PRDM11: variants seen among roughly 807,000 people sequenced by gnomAD.
PRDM11 encodes the protein PR domain-containing protein 11.
Under a neutral mutation model 97.8 loss-of-function variants are expected in PRDM11, and 20 were observed. The observed-to-expected ratio is 0.20, with a 90% CI of 0.14 to 0.30. The LOEUF (loss-of-function observed/expected upper bound fraction) is 0.30, where lower values mean the gene tolerates loss of function less well. PRDM11 is among the 10% of genes least tolerant of loss of function. The pLI, the probability that PRDM11 is intolerant of heterozygous loss-of-function variation, is 1.00. For synonymous variants in PRDM11, 599 were observed against 637.7 expected, an observed-to-expected ratio of 0.94 and a Z score of 0.91; for missense variants, 1,139 against 1,555.2, an observed-to-expected ratio of 0.73 and a Z score of 4.50.
chr11:45,201,823 A>T (rs1729349579), intron 4 of PRDM11, among the ~76,000 whole-genome samples: 1 of 152,132 alleles, frequency 6.6e-6, no homozygotes, highest in Non-Finnish European at 1.5e-5. Flanking sequence ...CACAAAAAAA[A>T]TTAGTCAGGC....
intron 4 of PRDM11, among the ~76,000 whole-genome samples, chr11:45,193,382 G>T (rs149636084): frequency 2.3e-4 from 35 of 152,266 alleles, no homozygotes; most frequent in African/African-American, 7.5e-4. Context: ...GTCAACTGTT[G>T]GGGTAAAACA....
chr11:45,224,792 C>T lies in PRDM11; in HGVS notation c.1318C>T (p.Pro440Ser). 6.2e-7 allele frequency: 1 copy of T among 1,614,200 alleles called. No individual in the cohort carries two copies. Among genetic ancestry groups the T allele is most frequent in the South Asian group, 1.1e-5 (1 of 91,088 alleles). ...MLKSGKLPEP[P>S]VLPPQVLELP... ...TAAGTCTGGGAAACTTCCTGAGCCCCCCGTATTGCCACCACAGGTACTGGA... is the reference window on the plus strand; with the variant it reads ...TAAGTCTGGGAAACTTCCTGAGCCCTCCGTATTGCCACCACAGGTACTGGA... Residue 440 changes from proline (P) to serine (S), a missense_variant, in exon 7 of 8, where the codon CCC (proline) becomes TCC (serine). Physicochemically the swap from Pro to Ser is moderately conservative, Grantham distance 74. Transcript: ENST00000683152.
At chr11:45,164,471 G>C (rs1206765410) in intron 1 of PRDM11, among the ~76,000 whole-genome samples, 2 of 152,230 alleles carry the variant, frequency 1.3e-5, no homozygotes, top group East Asian at 3.9e-4. Flanking sequence ...CCCATCTGGG[G>C]GCGTGCAAGA....
At chr11:45,108,554 G>T (rs974471292) in intron 1 of PRDM11, among the ~76,000 whole-genome samples, 1 of 152,226 alleles carries the variant, frequency 6.6e-6, no homozygotes, top group Non-Finnish European at 1.5e-5. Context: ...CCCTTGCTCA[G>T]CCTGGGCTCT....
chr11:45,114,803 T>C (rs1434482823), intron 1 of PRDM11, among the ~76,000 whole-genome samples: 1 of 151,892 alleles, frequency 6.6e-6, no homozygotes, highest in Non-Finnish European at 1.5e-5. Context: ...TGAAATACCA[T>C]CTTTAATGTG....
chr11:45,135,094 C>T (rs918577281), intron 1 of PRDM11, among the ~76,000 whole-genome samples: 1 of 151,848 alleles, frequency 6.6e-6, no homozygotes, highest in East Asian at 1.9e-4. Context: ...TAGTGAGACC[C>T]CATCTCTAAA....
At chr11:45,212,672 C>T (rs765228035) in intron 5 of PRDM11, 9 of 456,240 alleles carry the variant, frequency 2.0e-5, no homozygotes, top group South Asian at 4.6e-5. Flanking sequence ...CAGGACCCCT[C>T]GGCCGCACCC....
intron 1 of PRDM11, among the ~76,000 whole-genome samples, chr11:45,138,471 G>C (rs1428065025): frequency 6.6e-6 from 1 of 152,132 alleles, no homozygotes. Flanking sequence ...AGGAGACTGA[G>C]GTGGAAGGAT....
chr11:45,196,748 A>T (rs753483285), intron 4 of PRDM11, among the ~76,000 whole-genome samples: 2 of 152,194 alleles, frequency 1.3e-5, no homozygotes, highest in African/African-American at 2.4e-5. Context: ...GCTGGTCCAT[A>T]GTCCTGGCAC....
At chr11:45,212,846 G>A (rs1037592919) in intron 5 of PRDM11, 3 of 445,550 alleles carry the variant, frequency 6.7e-6, no homozygotes, top group East Asian at 7.0e-5. Context: ...CAGCCGTGTC[G>A]GTCAGATGTG....
intron 1 of PRDM11, among the ~76,000 whole-genome samples, chr11:45,176,730 C>T (rs1231941652): frequency 1.3e-5 from 2 of 152,214 alleles, no homozygotes; most frequent in Non-Finnish European, 2.9e-5. Flanking sequence ...CTGTCTTATA[C>T]ATGTAAGTTT....
At chr11:45,194,870 T>C (rs562275208) in intron 4 of PRDM11, among the ~76,000 whole-genome samples, 1 of 152,116 alleles carries the variant, frequency 6.6e-6, no homozygotes, top group Admixed American at 6.5e-5. Flanking sequence ...AGTGCTGGGA[T>C]TACAGGCGTG....
At chr11:45,128,830 A>T (rs1407609329) in intron 1 of PRDM11, among the ~76,000 whole-genome samples, 1 of 152,170 alleles carries the variant, frequency 6.6e-6, no homozygotes, top group Non-Finnish European at 1.5e-5. Flanking sequence ...ACCTGATTTT[A>T]AAAATCTGAC....
Position 45,227,034 on chromosome 11 carries a change from C to T in PRDM11, c.2409C>T (p.Cys803=), listed in dbSNP as rs764135703. 37 of 1,533,924 alleles carry T rather than the reference C, an allele frequency of 2.4e-5. No individual in the cohort carries two copies. The highest frequency in any genetic ancestry group is 2.3e-4 in the Middle Eastern group (1 of 4,358). ...SFYRYSPRLM[C]ELRSTAATLC... is the part of the protein sequence containing the mutation. ...ACCGCTACTCACCGCGCCTCATGTG[C>T]GAGCTGCGGTCCACGGCGGCCACCC... Residue 803 remains cysteine (C), a synonymous_variant, in exon 8 of 8, where the codon TGC becomes TGT. Coordinates refer to ENST00000683152, the MANE Select transcript of PRDM11 (RefSeq NM_001384648.1). This position sits in a 1 kb window ranked among gnomAD's most constrained non-coding sequence, Gnocchi z 8.0.
rs1164021745 is a variant in PRDM11 at position 45,231,693 on chromosome 11, C to T, written c.*3534C>T. The T allele has an allele frequency of 6.6e-6, 1 of 151,234 alleles. No individual in the cohort carries two copies. The highest frequency in any genetic ancestry group is 1.5e-5 in the Non-Finnish European group (1 of 67,930). The allele number at this position is 151,234 out of a possible 1,614,324, so 9.4% of individuals were successfully genotyped here. On this transcript the variant is annotated 3_prime_UTR_variant, in exon 8 of 8. Transcript: ENST00000683152. ...TTATGATTAATATGATCTGCTTTTCCTTCATGGAGGACAAAGAAAAAATCC... is the reference window on the plus strand; with the variant it reads ...TTATGATTAATATGATCTGCTTTTCTTTCATGGAGGACAAAGAAAAAATCC...
intron 1 of PRDM11, among the ~76,000 whole-genome samples, chr11:45,163,434 C>G (rs1483058481): frequency 6.6e-6 from 1 of 152,160 alleles, no homozygotes; most frequent in African/African-American, 2.4e-5. Context: ...GAGCCCTCCT[C>G]TGCTGCTCAG....
At chr11:45,136,597 AG>A (rs1167838607) in intron 1 of PRDM11, among the ~76,000 whole-genome samples, 1 of 152,184 alleles carries the variant, frequency 6.6e-6, no homozygotes, top group Non-Finnish European at 1.5e-5. Context: ...ATCACAGGAA[AG>A]GCTTAGAAAT....
rs751378233 is a variant in PRDM11 at position 45,226,197 on chromosome 11, C to A, written c.1572C>A (p.Leu524=). The A allele has an allele frequency of 3.6e-5, 55 of 1,533,666 alleles. No homozygotes were observed. Among genetic ancestry groups the A allele is most frequent in the Non-Finnish European group, 4.7e-5 (54 of 1,146,566 alleles). ...KFWFLRYSPT[L]NEMWCHVCRQ... ...GGTTCCTGCGGTACTCCCCAACCCT[C>A]AATGAGATGTGGTGCCACGTCTGCC... The change falls in exon 8 of 8, where the codon CTC becomes CTA. Residue 524 remains leucine (L), a synonymous_variant. Transcript: ENST00000683152.
At chr11:45,181,669 G>T (rs1237094042) in intron 1 of PRDM11, 92 bp from the exon 2 acceptor site, 16 of 1,047,748 alleles carry the variant, frequency 1.5e-5, no homozygotes, top group Non-Finnish European at 2.1e-5. Context: ...ACCAGACTCC[G>T]CGAGACCCCC....
Sources: allele counts gnomAD v4.1 joint callset (sites outside exome capture counted in the v4.1 genomes callset), GRCh38; gene constraint gnomAD v4.1.1; non-coding constraint Gnocchi (gnomAD v3.1); transcripts MANE v1.5; gene names NCBI Gene and HGNC (gene_info 2026-07-23, HGNC 2026-07-21).